CDC16: variants seen among roughly 807,000 people sequenced by gnomAD.
CDC16 encodes the protein cell division cycle 16.
A neutral mutation model predicts 87.0 loss-of-function variants in CDC16; 34 were observed. That is an observed-to-expected ratio of 0.39 (90% CI 0.30 to 0.52). The LOEUF is 0.52. Among genes scored for constraint, CDC16 ranks in the 20% least tolerant of loss-of-function variants. CDC16 has a pLI of 0.74. For synonymous variants in CDC16, 263 were observed against 260.6 expected (o/e 1.01, Z -0.09); for missense variants, 653 against 751.9 (o/e 0.87, Z 1.54).
intron 12 of CDC16, among the ~76,000 whole-genome samples, chr13:114,256,668 A>G (rs1227246416): frequency 1.3e-5 from 2 of 152,232 alleles, no homozygotes; most frequent in African/African-American, 4.8e-5. Flanking sequence ...TAGAAAAGTC[A>G]GAGGTAGCTT....
chr13:114,239,460 T>C lies in CDC16; in HGVS notation c.351T>C (p.Pro117=), dbSNP rs2296970. 503,872 of 1,610,614 alleles carry C rather than the reference T, an allele frequency of 0.31. 87,945 individuals are homozygous for C. The highest frequency in any genetic ancestry group is 0.75 in the African/African-American group (56,416 of 74,896). Residue 117 remains proline (P), a synonymous_variant, in exon 5 of 18, where the codon CCT becomes CCC. Transcript: ENST00000356221. ...AGGACGAAAGTGGCTTCAAAGATCC[T>C]TCCAGCGACTGGGAAATGTCACAGT... ...YLKDESGFKD[P]SSDWEMSQSS...
chr13:114,267,673 G>A (rs1389611054), intron 17 of CDC16, among the ~76,000 whole-genome samples: 1 of 152,114 alleles, frequency 6.6e-6, no homozygotes, highest in Non-Finnish European at 1.5e-5. Flanking sequence ...TCACTAAAAT[G>A]TGTAAACTTC....
intron 11 of CDC16, among the ~76,000 whole-genome samples, chr13:114,248,636 G>T (rs2081990693): frequency 6.6e-6 from 1 of 151,792 alleles, no homozygotes; most frequent in African/African-American, 2.4e-5. Context: ...AGCTGAGATT[G>T]CACTACTGCA....
rs2081173867 is a variant in CDC16, at chr13:114,235,056, G to C, written c.-29G>C. On this transcript the variant is annotated 5_prime_UTR_variant, in exon 1 of 18. Transcript: ENST00000356221. Reference sequence around the variant, plus strand: ...CAGGAGGCGCGCGCCTAGCGGCGGAGTGTGGCGTGAGGCCGGGCCCGCGCC... The same window carrying C: ...CAGGAGGCGCGCGCCTAGCGGCGGACTGTGGCGTGAGGCCGGGCCCGCGCC... 8 of 1,249,360 alleles carry C rather than the reference G, an allele frequency of 6.4e-6. No individual in the cohort carries two copies. The highest frequency in any genetic ancestry group is 6.0e-6 in the Non-Finnish European group (6 of 997,904). The allele number at this position is 1,249,360 out of a possible 1,614,324, so 77.4% of individuals were successfully genotyped here. A position where few individuals can be genotyped will look rare whatever the true frequency, so the allele number is the denominator to read the frequency against.
intron 17 of CDC16, 82 bp downstream of exon 17, chr13:114,265,322 C>A (rs1042829686): frequency 2.1e-5 from 18 of 875,258 alleles, no homozygotes; most frequent in Non-Finnish European, 3.1e-5. Flanking sequence ...CTCATATTCT[C>A]GTCTGAGGTT....
Position 114,238,859 on chromosome 13 carries a change from A to AT in CDC16, c.202-121dup, listed in dbSNP as rs942011767. The AT allele has an allele frequency of 2.6e-3, 2,905 of 1,121,822 alleles. 6 individuals are homozygous for AT. Among genetic ancestry groups the AT allele is most frequent in the African/African-American group, 0.013 (816 of 62,532 alleles). The allele number at this position is 1,121,822 out of a possible 1,614,324, so 69.5% of individuals were successfully genotyped here. A position where few individuals can be genotyped will look rare whatever the true frequency, so the allele number is the denominator to read the frequency against. ...AATAAATATGGTTTAACAGGACTGG[A>AT]TTTTTTTTTTAACTGCAAGAGTAAA... On this transcript the variant is annotated intron_variant, in intron 3 of 17. Transcript: ENST00000356221.
At chr13:114,267,009 C>T (rs2083270420) in intron 17 of CDC16, among the ~76,000 whole-genome samples, 1 of 151,896 alleles carries the variant, frequency 6.6e-6, no homozygotes, top group Non-Finnish European at 1.5e-5. Flanking sequence ...ATTACTGAAT[C>T]TTACAGGGGG....
At chr13:114,269,631 A>G (rs987959379) in intron 17 of CDC16, among the ~76,000 whole-genome samples, 1 of 152,262 alleles carries the variant, frequency 6.6e-6, no homozygotes, top group African/African-American at 2.4e-5. Flanking sequence ...GTATGTTCAT[A>G]CAATAGAATA....
intron 14 of CDC16, among the ~76,000 whole-genome samples, chr13:114,261,677 C>T (rs966100806): frequency 1.3e-5 from 2 of 152,124 alleles, no homozygotes; most frequent in Non-Finnish European, 2.9e-5. Flanking sequence ...CTTGGATAAA[C>T]TTGTCCTAAT....
intron 16 of CDC16, among the ~76,000 whole-genome samples, chr13:114,263,738 A>ACT (rs150164182): frequency 2.9e-4 from 44 of 151,022 alleles, no homozygotes; most frequent in South Asian, 4.2e-4. Context: ...CTGCTTTCCA[A>ACT]CTCTCTCTCT....
chr13:114,240,621 G>A (rs533558904), intron 5 of CDC16, among the ~76,000 whole-genome samples: 2 of 152,198 alleles, frequency 1.3e-5, no homozygotes, highest in Admixed American at 1.3e-4. Context: ...GTTTCCCAAA[G>A]TGTTGGGATT....
chr13:114,272,310 A>G lies in CDC16; in HGVS notation c.1730A>G (p.Glu577Gly), dbSNP rs765089523. ...EFEVEKQTAE[E>G]TGLTPLETSR... is the part of the protein sequence containing the mutation. ...GAAGTAGAAAAACAGACTGCAGAAG[A>G]AACGGGGCTTACGCCATTGGAAACC... Residue 577 changes from glutamate to glycine, a missense_variant, in exon 18 of 18, where the codon GAA becomes GGA. By Grantham distance (98) the Glu-to-Gly change is moderately conservative (BLOSUM62 -2). Transcript: ENST00000356221. The G allele has an allele frequency of 6.8e-6, 11 of 1,614,286 alleles. No individual in the cohort carries two copies. Among genetic ancestry groups the G allele is most frequent in the Non-Finnish European group, 8.5e-6 (10 of 1,180,046 alleles).
chr13:114,244,823 T>C (rs2081760837), intron 8 of CDC16, 67 bp from the exon 9 acceptor site: 1 of 917,754 alleles, frequency 1.1e-6, no homozygotes, highest in Admixed American at 1.9e-5. Flanking sequence ...TGTCTACACA[T>C]AGCCGATCGT....
At position 114,253,411 on chromosome 13, in the gene CDC16, G is replaced by A. The variant is rs112722849; in HGVS notation, c.1097+2737G>A. On this transcript the variant is annotated intron_variant, in intron 12 of 17. Coordinates refer to ENST00000356221, the MANE Select transcript of CDC16 (RefSeq NM_001078645.3). The stretch of plus-strand genomic sequence containing the variant: ...CCTTTTAAATTTATTGAGGCTGGCC[G>A]GGCGCAGTGGCTCACACCTGTAATC... Among the ~76,000 whole-genome samples, 32 of 151,872 alleles carry A rather than the reference G, an allele frequency of 2.1e-4. No individual in the cohort carries two copies. The East Asian group carries it at 5.1e-3, about 24-fold the overall frequency.
intron 5 of CDC16, among the ~76,000 whole-genome samples, chr13:114,241,477 A>T (rs2081547159): frequency 6.6e-6 from 1 of 152,074 alleles, no homozygotes; most frequent in Non-Finnish European, 1.5e-5. Context: ...TCACACTGTC[A>T]ATCTTGGAGT....
chr13:114,250,631 C>T lies in CDC16; in HGVS notation c.1054C>T (p.Gln352Ter). 6.2e-7 allele frequency: 1 copy of T among 1,614,070 alleles called. No individual in the cohort carries two copies. The highest frequency in any genetic ancestry group is 8.5e-7 in the Non-Finnish European group (1 of 1,179,964). Residue 352 changes from glutamine (Q) to a stop codon, truncating the protein, a stop_gained, in exon 12 of 18, where the codon CAA becomes TAA. Coordinates refer to ENST00000356221, the MANE Select transcript of CDC16 (RefSeq NM_001078645.3). LOFTEE classifies it high-confidence loss of function. Reference protein sequence around the residue: ...HSFAVESEHDQAMAAYFTAAQ... With the variant: ...HSFAVESEHD ...ATTTGCGGTGGAGAGTGAGCACGAC[C>T]AAGCGATGGCTGCTTACTTCACAGC...
At chr13:114,261,356 A>G (rs924630758) in intron 14 of CDC16, among the ~76,000 whole-genome samples, 1 of 152,076 alleles carries the variant, frequency 6.6e-6, no homozygotes, top group Non-Finnish European at 1.5e-5. Context: ...GACTCTGTTA[A>G]TGAGGAAGGT....
chr13:114,254,462 C>T (rs1373419292), intron 12 of CDC16, among the ~76,000 whole-genome samples: 1 of 152,058 alleles, frequency 6.6e-6, no homozygotes, highest in Non-Finnish European at 1.5e-5. Flanking sequence ...TGAATTAATA[C>T]CAATTTAATT....
intron 3 of CDC16, among the ~76,000 whole-genome samples, chr13:114,238,434 GGGCC>G: frequency 4.7e-5 from 7 of 148,918 alleles, no homozygotes; most frequent in African/African-American, 1.5e-4. Context: ...TTCACACTCA[GGGCC>G]TGAAGTGGAG....
Sources: allele counts gnomAD v4.1 joint callset (sites outside exome capture counted in the v4.1 genomes callset), GRCh38; gene constraint gnomAD v4.1.1; transcripts MANE v1.5; gene names NCBI Gene and HGNC (gene_info 2026-07-23, HGNC 2026-07-21).